Variants in PEX5 observed in about 807,000 individuals in gnomAD.
The protein encoded by PEX5 is peroxisomal biogenesis factor 5, also known as PTS1 receptor.
In PEX5, 52 loss-of-function variants were observed where a neutral mutation model predicts 82.9. That is an observed-to-expected ratio of 0.63 (90% CI 0.50 to 0.79). The LOEUF is 0.79. PEX5 is among the 30% of genes least tolerant of loss of function. The probability of loss-of-function intolerance (pLI) is 0.00; values close to 1 mark genes in which losing one functional copy is unlikely to be tolerated. For synonymous variants in PEX5, 300 were observed against 318.8 expected (o/e 0.94, Z 0.63); for missense variants, 719 against 815.2 (o/e 0.88, Z 1.44).
chr12:7,198,439 A>G (rs1943145711), intron 5 of PEX5, among the ~76,000 whole-genome samples: 1 of 152,214 alleles, frequency 6.6e-6, no homozygotes, highest in African/African-American at 2.4e-5. Context: ...TAAAAAATGA[A>G]AAAACCCACC....
In PEX5 at chr12:7,202,210, C is replaced by G. The variant is rs753712766; in HGVS notation, c.643-31C>G. 3 of 1,613,788 alleles carry G rather than the reference C, an allele frequency of 1.9e-6. No homozygotes were observed. In the African/African-American group the frequency reaches 4.0e-5, roughly 22 times the overall value. On this transcript the variant is annotated intron_variant, in intron 7 of 15. Transcript: ENST00000675855. ...GAGTGCACACCTGGAAGTCCTTTCC[C>G]AAGTGGCCTGTGTGTGTCTCTGTGC...
Position 7,199,095 on chromosome 12 carries a change from G to T in PEX5, c.533G>T (p.Gly178Val), listed in dbSNP as rs749729761. 3 of 1,600,072 alleles carry T rather than the reference G, an allele frequency of 1.9e-6. No homozygotes were observed. The highest frequency in any genetic ancestry group is 1.7e-5 in the Admixed American group (1 of 59,334). ...AAGCTGTGGCTGGGAGAACCTGAGGGAACAGCCACCGATCGCTGGTGAGTT... is the reference window on the plus strand; with the variant it reads ...AAGCTGTGGCTGGGAGAACCTGAGGTAACAGCCACCGATCGCTGGTGAGTT... The part of the protein sequence containing the change: ...EEKLWLGEPE[G>V]TATDRWYDEY... Residue 178 changes from glycine (G) to valine (V), a missense_variant, in exon 6 of 16, where the codon GGA becomes GTA. Coordinates refer to ENST00000675855, the MANE Select transcript of PEX5 (RefSeq NM_001351132.2).
chr12:7,191,910 T>C (rs1282799628), intron 5 of PEX5, among the ~76,000 whole-genome samples: 2 of 152,218 alleles, frequency 1.3e-5, no homozygotes, highest in African/African-American at 4.8e-5. Context: ...TAAGAGATTT[T>C]GGATAGAGAG....
intron 12 of PEX5, 31 bp from the exon 13 acceptor site, chr12:7,208,426 A>AT: frequency 6.5e-7 from 1 of 1,535,002 alleles, no homozygotes; most frequent in Non-Finnish European, 9.0e-7. Context: ...GTCATTGCAG[A>AT]TATCAAGTCT....
At chr12:7,207,297 C>CA (rs374361177) in intron 10 of PEX5, among the ~76,000 whole-genome samples, 25 of 152,256 alleles carry the variant, frequency 1.6e-4, no homozygotes, top group African/African-American at 5.1e-4. Context: ...TAGCTAGGGA[C>CA]ACTTTGTCTC....
rs753239589 is a variant in PEX5 at position 7,190,476 on chromosome 12, G to A, written c.99G>A (p.Glu33=). 13 of 1,614,000 alleles carry A rather than the reference G, an allele frequency of 8.1e-6. No homozygotes were observed. The highest frequency in any genetic ancestry group is 1.3e-5 in the African/African-American group (1 of 74,920). The stretch of plus-strand genomic sequence containing the variant: ...CCCAGGACAAGGCCCTTCGGCAGGA[G>A]GGATTGAGGCCTGGCCCCTGGCCCC... ...HFTQDKALRQ[E]GLRPGPWPPG... is the part of the protein sequence containing the mutation. Residue 33 remains glutamate (E), a synonymous_variant, in exon 2 of 16, where the codon GAG becomes GAA. Transcript: ENST00000675855.
At chr12:7,214,772 T>G, downstream of PEX5, among the ~76,000 whole-genome samples, 1 of 152,136 alleles carries the variant, frequency 6.6e-6, no homozygotes. Flanking sequence ...GTTACATTAT[T>G]CATGTTTTTA....
rs1419160928 is a variant in PEX5, at chr12:7,210,332, C to T, written c.*109C>T. ...AAGGGGGCGGGCTGATGACCATAAG[C>T]GGTACGGCCTTTCAGGAGCTGCCTC... On this transcript the variant is annotated 3_prime_UTR_variant, in exon 16 of 16. Transcript: ENST00000675855. 3.2e-5 allele frequency: 32 copies of T among 1,003,196 alleles called. No homozygotes were observed. Among genetic ancestry groups the T allele is most frequent in the East Asian group, 1.9e-4 (8 of 41,542 alleles). 62.1% of individuals were successfully genotyped at this position (1,003,196 alleles called of 1,614,324 possible).
rs148648526 is a variant in PEX5, at chr12:7,208,687, C to A, written c.1394+18C>A. 4.4e-6 allele frequency: 7 copies of A among 1,595,012 alleles called. No individual in the cohort carries two copies. The East Asian group carries it at 1.6e-4, about 36-fold the overall frequency. On this transcript the variant is annotated intron_variant, in intron 13 of 15. Coordinates refer to ENST00000675855, the MANE Select transcript of PEX5 (RefSeq NM_001351132.2). ...TTGTCTGAGTGAGTATGAGGGGTTC[C>A]TAGGATGAGGAATTACAGTAACCTA...
intron 10 of PEX5, among the ~76,000 whole-genome samples, chr12:7,205,892 A>G (rs962147784): frequency 2.0e-5 from 3 of 152,220 alleles, no homozygotes; most frequent in African/African-American, 7.2e-5. Context: ...TATACAGGCC[A>G]TCATATCTTA....
At chr12:7,205,917 G>A (rs1442923737) in intron 10 of PEX5, among the ~76,000 whole-genome samples, 2 of 152,204 alleles carry the variant, frequency 1.3e-5, no homozygotes, top group East Asian at 3.9e-4. Flanking sequence ...AGTATCTAGA[G>A]CAGTGAGGAT....
intron 3 of PEX5, 73 bp downstream of exon 3, chr12:7,190,996 C>A: frequency 7.0e-7 from 1 of 1,437,246 alleles, no homozygotes; most frequent in Non-Finnish European, 9.8e-7. Context: ...ACTTAGTTCA[C>A]CCGTATTTCA....
intron 9 of PEX5, 22 bp from the exon 10 acceptor site, chr12:7,203,410 A>G (rs770017258): frequency 1.8e-5 from 29 of 1,606,248 alleles, no homozygotes; most frequent in South Asian, 1.6e-4. Context: ...TCCTTTTTCT[A>G]TCTGCTTTCC....
rs749245430 is a variant in PEX5 at position 7,208,602 on chromosome 12, G to T, written c.1327G>T (p.Ala443Ser). ...AGCCTATGCCCATCTGGTGACACCT[G>T]CTGAAGAAGGGGCTGGTGGGGCAGG... The part of the protein sequence containing the change: ...TPAYAHLVTP[A>S]EEGAGGAGLG... Residue 443 changes from alanine (A) to serine (S), a missense_variant, in exon 13 of 16, where the codon GCT becomes TCT. Transcript: ENST00000675855. 1 of 1,614,178 alleles carries T rather than the reference G, an allele frequency of 6.2e-7. No homozygotes were observed. Among genetic ancestry groups the T allele is most frequent in the Non-Finnish European group, 8.5e-7 (1 of 1,180,022 alleles).
At chr12:7,202,162 A>C in intron 7 of PEX5, 79 bp from the exon 8 acceptor site, 1 of 1,610,004 alleles carries the variant, frequency 6.2e-7, no homozygotes, top group South Asian at 1.1e-5. Flanking sequence ...GGGTGAGTAC[A>C]GGGTCCTCTT....
downstream of PEX5, among the ~76,000 whole-genome samples, chr12:7,214,354 T>C (rs1221442113): frequency 6.6e-6 from 1 of 151,632 alleles, no homozygotes; most frequent in South Asian, 2.1e-4. Flanking sequence ...ATTAAGAAAA[T>C]GTGGCACATA....
chr12:7,202,266 G>A lies in PEX5; in HGVS notation c.668G>A (p.Gly223Asp). 3 of 1,614,136 alleles carry A rather than the reference G, an allele frequency of 1.9e-6. No individual in the cohort carries two copies. Among genetic ancestry groups the A allele is most frequent in the Non-Finnish European group, 2.5e-6 (3 of 1,180,028 alleles). ...SEFLKFVRQI[G>D]EGQVSLESGA... ...TTCCTGAAATTCGTGCGGCAGATTG[G>A]CGAAGGGCAGGTGTCCCTGGAGTCC... is the stretch of plus-strand genomic sequence containing the variant. The change falls in exon 8 of 16, where the codon GGC (glycine) becomes GAC (aspartate). Residue 223 changes from glycine (G) to aspartate (D), a missense_variant. Physicochemically the swap from Gly to Asp is moderately conservative, Grantham distance 94 (BLOSUM62 -1). Coordinates refer to ENST00000675855, the MANE Select transcript of PEX5 (RefSeq NM_001351132.2).
intron 10 of PEX5, among the ~76,000 whole-genome samples, chr12:7,206,729 G>A (rs1944848445): frequency 2.0e-5 from 3 of 152,032 alleles, no homozygotes; most frequent in Admixed American, 1.3e-4. Flanking sequence ...TAATGAAAAA[G>A]GGCCTCATGT....
intron 6 of PEX5, among the ~76,000 whole-genome samples, chr12:7,201,133 G>T (rs116727390): frequency 8.9e-6 from 1 of 112,162 alleles, no homozygotes; most frequent in African/African-American, 3.3e-5. Context: ...GCATGTGTGC[G>T]TGCACACACA....
Sources: allele counts gnomAD v4.1 joint callset (sites outside exome capture counted in the v4.1 genomes callset), GRCh38; gene constraint gnomAD v4.1.1; transcripts MANE v1.5; gene names NCBI Gene and HGNC (gene_info 2026-07-23, HGNC 2026-07-21).